The following POLN variants were observed in gnomAD, a reference collection of about 807,000 sequenced individuals.
POLN encodes DNA polymerase nu.
Under a neutral mutation model 113.5 loss-of-function variants are expected in POLN, and 108 were observed. That is an observed-to-expected ratio of 0.95 (90% CI 0.81 to 1.12). The LOEUF (loss-of-function observed/expected upper bound fraction) is 1.12, where lower values mean the gene tolerates loss of function less well. Among genes scored for constraint, POLN ranks in the 50% most tolerant of loss-of-function variants. POLN has a pLI of 0.00. For synonymous variants in POLN, 386 were observed against 391.5 expected (o/e 0.99, Z 0.17); for missense variants, 1,097 against 1,077.1 (o/e 1.02, Z -0.26).
At chr4:2,090,529 G>T in intron 20 of POLN, 1 of 495,972 alleles carries the variant, frequency 2.0e-6, no homozygotes, top group Admixed American at 3.3e-5. Context: ...CAAAATACAA[G>T]AATCATCCTC....
At chr4:2,180,961 G>T (rs1019758340) in intron 7 of POLN, among the ~76,000 whole-genome samples, 48 of 152,010 alleles carry the variant, frequency 3.2e-4, no homozygotes, top group African/African-American at 1.1e-3. Flanking sequence ...TTAGAAATTA[G>T]GTGACTTAGA....
At chr4:2,179,247 A>G in intron 8 of POLN, 61 bp downstream of exon 8, 2 of 1,464,092 alleles carry the variant, frequency 1.4e-6, no homozygotes, top group East Asian at 2.3e-5. Context: ...TAAAATAGAA[A>G]AAGCTTCCAG....
chr4:2,222,718 T>TC (rs1734291645), intron 3 of POLN, among the ~76,000 whole-genome samples: 1 of 151,314 alleles, frequency 6.6e-6, no homozygotes, highest in East Asian at 1.9e-4. Flanking sequence ...TTTTTATTTT[T>TC]CCACAGGATC....
intron 19 of POLN, among the ~76,000 whole-genome samples, chr4:2,111,778 G>A (rs982289310): frequency 2.6e-5 from 4 of 152,184 alleles, no homozygotes. Flanking sequence ...ATGCTCATAA[G>A]TAGGAAGAAT....
intron 7 of POLN, among the ~76,000 whole-genome samples, chr4:2,192,114 C>CAAAAAAAAAAAAAAAAAAAAAAAAAA (rs772637540): frequency 1.5e-5 from 1 of 66,940 alleles, no homozygotes. Context: ...GACTCCATCT[C>CAAAAAAAAAAAAAAAAAAAAAAAAAA]AAAAAAAAAA....
intron 3 of POLN, among the ~76,000 whole-genome samples, chr4:2,219,707 C>A (rs1186037155): frequency 6.6e-6 from 1 of 152,150 alleles, no homozygotes; most frequent in Non-Finnish European, 1.5e-5. Flanking sequence ...GTTTCCCAGC[C>A]CTCCACAATA....
chr4:2,225,989 GA>G (rs564058927), intron 3 of POLN, among the ~76,000 whole-genome samples: 47 of 144,316 alleles, frequency 3.3e-4, no homozygotes, highest in East Asian at 5.9e-4. Context: ...ACCCTGTCTC[GA>G]AAAAAAAAAA....
At chr4:2,185,766 A>G (rs1733257222) in intron 7 of POLN, among the ~76,000 whole-genome samples, 1 of 152,188 alleles carries the variant, frequency 6.6e-6, no homozygotes. Flanking sequence ...AAATAAACAA[A>G]AAGAAATACA....
At chr4:2,240,143 T>G in intron 2 of POLN, 1 of 1,613,958 alleles carries the variant, frequency 6.2e-7, no homozygotes, top group South Asian at 1.1e-5. Context: ...CACAAATGTA[T>G]GCGAGCTGCA....
intron 2 of POLN, chr4:2,240,622 G>A (rs1461532470): frequency 6.2e-7 from 1 of 1,613,148 alleles, no homozygotes. Context: ...AATTTCAGTA[G>A]AGTTTGAACC....
chr4:2,176,883 C>T (rs1284509297), intron 8 of POLN, among the ~76,000 whole-genome samples: 2 of 152,098 alleles, frequency 1.3e-5, no homozygotes, highest in African/African-American at 4.8e-5. Context: ...AGTCTAATTA[C>T]CCTTCCCCTA....
chr4:2,075,219 T>C (rs933907779), intron 24 of POLN, among the ~76,000 whole-genome samples: 7 of 152,188 alleles, frequency 4.6e-5, no homozygotes, highest in African/African-American at 1.7e-4. Flanking sequence ...TACCTGGCGC[T>C]CTCTGAGGGG....
intron 16 of POLN, among the ~76,000 whole-genome samples, chr4:2,137,530 A>G (rs1429071896): frequency 6.6e-6 from 1 of 152,142 alleles, no homozygotes; most frequent in Non-Finnish European, 1.5e-5. Context: ...TGCAGCCTGA[A>G]GGGCAGTGTG....
intron 8 of POLN, among the ~76,000 whole-genome samples, chr4:2,178,926 G>A (rs1733064177): frequency 6.6e-6 from 1 of 152,110 alleles, no homozygotes; most frequent in Non-Finnish European, 1.5e-5. Flanking sequence ...ACCCAGGGCA[G>A]TTCTGACCAT....
At chr4:2,195,769 T>C (rs1427785932) in intron 6 of POLN, among the ~76,000 whole-genome samples, 1 of 152,102 alleles carries the variant, frequency 6.6e-6, no homozygotes, top group Non-Finnish European at 1.5e-5. Context: ...AGGTAACTCT[T>C]GAGGAAAGAC....
intron 2 of POLN, among the ~76,000 whole-genome samples, chr4:2,239,803 T>C (rs115351378): frequency 0.01 from 1,560 of 152,322 alleles, 32 homozygotes; most frequent in African/African-American, 0.034. Context: ...AGCACTTTTG[T>C]TTAAAATAAA....
At chr4:2,205,373 C>A (rs753407630) in intron 5 of POLN, among the ~76,000 whole-genome samples, 7 of 152,088 alleles carry the variant, frequency 4.6e-5, no homozygotes, top group Non-Finnish European at 8.8e-5. Context: ...TAGGAATATA[C>A]CTAACCAAGG....
At chr4:2,120,558 A>G (rs533372637) in intron 19 of POLN, among the ~76,000 whole-genome samples, 24 of 151,674 alleles carry the variant, frequency 1.6e-4, no homozygotes, top group African/African-American at 5.6e-4. Context: ...TAGTGGCGCG[A>G]TCTCAGATCA....
In POLN at chr4:2,170,682, T is replaced by C. The variant is rs754085237; in HGVS notation, c.1551A>G (p.Ala517=). The C allele has an allele frequency of 1.2e-6, 2 of 1,611,640 alleles. No individual in the cohort carries two copies. The highest frequency in any genetic ancestry group is 2.2e-5 in the East Asian group (1 of 44,874). Residue 517 remains alanine (A), a synonymous_variant, in exon 13 of 26, where the codon GCA becomes GCG. Coordinates refer to ENST00000511885, the MANE Select transcript of POLN (RefSeq NM_181808.4). ...AAGGATAACTCTGAAACCTTACCAC[T>C]GCTTCTGATGTAGACGGGTATTTCT... The part of the protein sequence containing the change: ...GLQKYPSTSE[A]VLNALRDLHP...
Sources: allele counts gnomAD v4.1 joint callset (sites outside exome capture counted in the v4.1 genomes callset), GRCh38; gene constraint gnomAD v4.1.1; transcripts MANE v1.5; gene names NCBI Gene and HGNC (gene_info 2026-07-23, HGNC 2026-07-21).